Variants in KIF13B observed in about 807,000 individuals in gnomAD.
The protein encoded by KIF13B is kinesin family member 13B.
KIF13B carries 127 observed loss-of-function variants against 222.0 expected under a neutral mutation model. That is an observed-to-expected ratio of 0.57 (90% CI 0.50 to 0.66). The LOEUF is 0.66. Among genes scored for constraint, KIF13B ranks in the 30% least tolerant of loss-of-function variants. The probability of loss-of-function intolerance (pLI) is 0.00; values close to 1 mark genes in which losing one functional copy is unlikely to be tolerated. For missense variants in KIF13B, 2,173 were observed against 2,379.0 expected (o/e 0.91, Z 1.80); for synonymous variants, 976 against 919.0 (o/e 1.06, Z -1.12).
intron 37 of KIF13B, among the ~76,000 whole-genome samples, chr8:29,084,820 AAT>A (rs1807971755): frequency 6.6e-6 from 1 of 152,250 alleles, no homozygotes; most frequent in African/African-American, 2.4e-5. Flanking sequence ...AACACACTTG[AAT>A]ATGAGTACAG....
At chr8:29,220,454 T>G (rs967917282) in intron 2 of KIF13B, among the ~76,000 whole-genome samples, 1 of 152,194 alleles carries the variant, frequency 6.6e-6, no homozygotes, top group Admixed American at 6.5e-5. Flanking sequence ...ACTGTTGTTC[T>G]GTTAACTGAA....
chr8:29,105,567 A>T lies in KIF13B; in HGVS notation c.4215+2572T>A, dbSNP rs115438119. 4.6e-3 allele frequency among the ~76,000 whole-genome samples: 703 copies of T among 151,574 alleles called. 7 individuals are homozygous for T. The highest frequency in any genetic ancestry group is 0.016 in the African/African-American group (672 of 41,220). The stretch of plus-strand genomic sequence containing the variant: ...CCTATTTTTCTGGTGCACGTGAGGG[A>T]CAGTACTTTTCTTTGAAGTAGATTC... On this transcript the variant is annotated intron_variant, in intron 35 of 39. Coordinates refer to ENST00000524189, the MANE Select transcript of KIF13B (RefSeq NM_015254.4).
intron 17 of KIF13B, 71 bp from the exon 18 acceptor site, chr8:29,146,611 C>T: frequency 7.4e-7 from 1 of 1,356,362 alleles, no homozygotes; most frequent in Middle Eastern, 2.5e-4. Context: ...GAAAATCATA[C>T]AGTGGTAGTA....
intron 35 of KIF13B, among the ~76,000 whole-genome samples, chr8:29,104,993 G>GTC (rs749972739): frequency 4.6e-5 from 7 of 151,268 alleles, no homozygotes; most frequent in Non-Finnish European, 7.4e-5. Flanking sequence ...GGAAGACAGG[G>GTC]TCTCTCTCTG....
At chr8:29,231,024 G>A (rs1377291622) in intron 2 of KIF13B, among the ~76,000 whole-genome samples, 1 of 152,108 alleles carries the variant, frequency 6.6e-6, no homozygotes, top group East Asian at 1.9e-4. Context: ...GGGACTACAG[G>A]CATGCACCAC....
intron 38 of KIF13B, among the ~76,000 whole-genome samples, chr8:29,074,914 C>T (rs1480067564): frequency 7.9e-5 from 12 of 152,210 alleles, no homozygotes; most frequent in Admixed American, 7.2e-4. Context: ...CACAGCTTAG[C>T]ATTCGTCTTT....
At chr8:29,249,981 T>C (rs1384142770) in intron 1 of KIF13B, 2 of 1,265,116 alleles carry the variant, frequency 1.6e-6, no homozygotes, top group African/African-American at 1.5e-5. Flanking sequence ...ACATGCAATT[T>C]TACCTCTTCA....
chr8:29,168,203 C>A (rs1812086184), intron 10 of KIF13B, among the ~76,000 whole-genome samples: 1 of 152,262 alleles, frequency 6.6e-6, no homozygotes, highest in Admixed American at 6.5e-5. Flanking sequence ...AGCACTTCCA[C>A]CGTTCAGACA....
intron 33 of KIF13B, 99 bp downstream of exon 33, chr8:29,109,819 A>G: frequency 8.4e-7 from 1 of 1,197,104 alleles, no homozygotes; most frequent in Non-Finnish European, 1.2e-6. Context: ...TGAACTCTTC[A>G]AATGTTAGGT....
intron 2 of KIF13B, among the ~76,000 whole-genome samples, chr8:29,234,647 A>C (rs1815427156): frequency 6.6e-6 from 1 of 150,512 alleles, no homozygotes; most frequent in African/African-American, 2.5e-5. Flanking sequence ...AAAAATGGTT[A>C]AATGATTAAT....
intron 2 of KIF13B, among the ~76,000 whole-genome samples, chr8:29,228,472 A>ATATATATATATATATAT (rs1554622286): frequency 3.4e-5 from 4 of 117,086 alleles, no homozygotes; most frequent in African/African-American, 9.8e-5. Flanking sequence ...ATCTTAAAAA[A>ATATATATATATATATAT]ATATATATAT....
chr8:29,076,570 G>A (rs150076054), intron 37 of KIF13B, among the ~76,000 whole-genome samples: 3,331 of 152,312 alleles, frequency 0.022, 36 homozygotes, highest in Non-Finnish European at 0.028. Flanking sequence ...CTGGACTCCA[G>A]CTGTAGGGAG....
intron 1 of KIF13B, among the ~76,000 whole-genome samples, chr8:29,257,176 C>A (rs1816512482): frequency 6.6e-6 from 1 of 152,168 alleles, no homozygotes; most frequent in Admixed American, 6.5e-5. Flanking sequence ...TCAGTCAACA[C>A]TGTTGAAATG....
chr8:29,218,739 G>T (rs913037127), intron 2 of KIF13B, among the ~76,000 whole-genome samples: 1 of 152,164 alleles, frequency 6.6e-6, no homozygotes, highest in Non-Finnish European at 1.5e-5. Context: ...AAACAAAAAC[G>T]TGGTATACTC....
At chr8:29,200,894 C>T (rs1018155859) in intron 2 of KIF13B, among the ~76,000 whole-genome samples, 14 of 152,114 alleles carry the variant, frequency 9.2e-5, no homozygotes, top group African/African-American at 3.4e-4. Flanking sequence ...CACATTGCGC[C>T]CTCCTTGGTG....
At chr8:29,236,217 T>C (rs1003704849) in intron 2 of KIF13B, among the ~76,000 whole-genome samples, 1 of 152,208 alleles carries the variant, frequency 6.6e-6, no homozygotes, top group Non-Finnish European at 1.5e-5. Context: ...CACACCTATT[T>C]TAAATTGTTT....
intron 12 of KIF13B, among the ~76,000 whole-genome samples, chr8:29,163,497 A>C (rs1187689565): frequency 6.6e-6 from 1 of 152,228 alleles, no homozygotes; most frequent in East Asian, 1.9e-4. Context: ...GGAAATTGCC[A>C]AATTTATCTG....
intron 10 of KIF13B, among the ~76,000 whole-genome samples, chr8:29,173,916 C>T (rs1586880599): frequency 1.4e-5 from 2 of 144,964 alleles, no homozygotes; most frequent in South Asian, 4.4e-4. Context: ...ACACTCCAGC[C>T]TGGGCAACAG....
chr8:29,084,211 C>T (rs1246467687), intron 37 of KIF13B, among the ~76,000 whole-genome samples: 3 of 152,136 alleles, frequency 2.0e-5, no homozygotes, highest in African/African-American at 4.8e-5. Flanking sequence ...CCACCGCACC[C>T]GACCGTGTTT....
Sources: gnomAD v4.1 joint callset for allele counts (sites outside exome capture counted in the v4.1 genomes callset) on GRCh38, gnomAD v4.1.1 for gene constraint, MANE v1.5 for transcripts, NCBI Gene and HGNC (gene_info 2026-07-23, HGNC 2026-07-21) for gene names.